The following KNDC1 variants were observed in gnomAD, a reference collection of about 807,000 sequenced individuals.
KNDC1 encodes the protein kinase non-catalytic C-lobe domain containing 1.
KNDC1 carries 106 observed loss-of-function variants against 172.8 expected under a neutral mutation model. That is an observed-to-expected ratio of 0.61 (90% CI 0.52 to 0.72). KNDC1 has a LOEUF of 0.72. Ranked by LOEUF, KNDC1 falls within the 30% of genes least tolerant of loss-of-function variation. The pLI, the probability that KNDC1 is intolerant of heterozygous loss-of-function variation, is 0.00. For missense variants in KNDC1, 2,325 were observed against 2,394.5 expected (o/e 0.97, Z 0.61); for synonymous variants, 1,083 against 1,062.2 (o/e 1.02, Z -0.38).
intron 3 of KNDC1, among the ~76,000 whole-genome samples, chr10:133,182,039 C>T (rs1554913161): frequency 6.6e-6 from 1 of 152,170 alleles, no homozygotes; most frequent in Non-Finnish European, 1.5e-5. Context: ...GTGGTTGGAG[C>T]CAGGCTCAGG....
At chr10:133,211,036 A>C (rs1845352565) in intron 21 of KNDC1, among the ~76,000 whole-genome samples, 1 of 151,988 alleles carries the variant, frequency 6.6e-6, no homozygotes, top group Admixed American at 6.6e-5. Flanking sequence ...TGAGAGCCAG[A>C]AGGTCAGCTG....
chr10:133,221,447 C>G (rs1322298088), intron 29 of KNDC1, among the ~76,000 whole-genome samples: 1 of 152,162 alleles, frequency 6.6e-6, no homozygotes, highest in Non-Finnish European at 1.5e-5. Flanking sequence ...AGGCCTGTGT[C>G]CGATGACCCT....
intron 26 of KNDC1, 36 bp downstream of exon 26, chr10:133,214,158 G>C: frequency 6.2e-7 from 1 of 1,610,208 alleles, no homozygotes; most frequent in Non-Finnish European, 8.5e-7. Flanking sequence ...AACACGGGGC[G>C]TGGGGCCCAC....
chr10:133,169,723 G>A (rs1489926717), intron 3 of KNDC1, among the ~76,000 whole-genome samples: 1 of 151,938 alleles, frequency 6.6e-6, no homozygotes, highest in Non-Finnish European at 1.5e-5. Context: ...GCTGTGGCCT[G>A]TGGCTGTGAA....
At position 133,186,145 on chromosome 10, in the gene KNDC1, C is replaced by G; in HGVS notation, c.797C>G (p.Pro266Arg). ...ASPTKALLST[P>R]VRNGESHSRE... ...CCAACCAAGGCTCTGCTGTCCACCC[C>G]GGTGAGAAATGGCGAGAGCCACAGC... Residue 266 changes from proline to arginine, a missense_variant, in exon 6 of 30, where the codon CCG becomes CGG. Physicochemically the swap from Pro to Arg is moderately radical, Grantham distance 103. Coordinates refer to ENST00000304613, the MANE Select transcript of KNDC1 (RefSeq NM_152643.8). The G allele has an allele frequency of 6.3e-7, 1 of 1,589,936 alleles. No individual in the cohort carries two copies. Among genetic ancestry groups the G allele is most frequent in the Non-Finnish European group, 8.6e-7 (1 of 1,168,554 alleles).
intron 2 of KNDC1, among the ~76,000 whole-genome samples, chr10:133,167,934 G>T (rs1388434320): frequency 6.6e-6 from 1 of 152,200 alleles, no homozygotes; most frequent in African/African-American, 2.4e-5. Flanking sequence ...GGCCCGGGAG[G>T]GTGGGACGCC....
intron 20 of KNDC1, among the ~76,000 whole-genome samples, chr10:133,208,073 C>G (rs1343341968): frequency 1.3e-5 from 2 of 152,170 alleles, no homozygotes; most frequent in African/African-American, 4.8e-5. Flanking sequence ...TTATGGGACC[C>G]TTATGACACC....
At chr10:133,168,077 C>G (rs942800540) in intron 2 of KNDC1, among the ~76,000 whole-genome samples, 177 bp from the exon 3 acceptor site, 2 of 152,226 alleles carry the variant, frequency 1.3e-5, no homozygotes, top group African/African-American at 4.8e-5. Flanking sequence ...AACCCATTTC[C>G]CATCATAACC....
At position 133,209,505 on chromosome 10, in the gene KNDC1, A is replaced by C. The variant is rs1050434485; in HGVS notation, c.3795-1106A>C. Among the ~76,000 whole-genome samples the C allele has an allele frequency of 6.9e-6, 1 of 145,238 alleles. No homozygotes were observed. The highest frequency in any genetic ancestry group is 1.5e-5 in the Non-Finnish European group (1 of 66,262). On this transcript the variant is annotated intron_variant, in intron 20 of 29. Coordinates refer to ENST00000304613, the MANE Select transcript of KNDC1 (RefSeq NM_152643.8). This position sits in a 1 kb window ranked among gnomAD's most constrained non-coding sequence, Gnocchi z 4.9. The stretch of plus-strand genomic sequence containing the variant: ...GTGTGGTGTGCGCGTCTGGTTGTGG[A>C]GTTCTGTGTGGCTTTGTGCATGTGT...
intron 20 of KNDC1, among the ~76,000 whole-genome samples, chr10:133,207,889 AC>A (rs1845247888): frequency 6.6e-6 from 1 of 152,036 alleles, no homozygotes; most frequent in Non-Finnish European, 1.5e-5. Flanking sequence ...ACAGGGCCAG[AC>A]CCCCGGCCGC....
At chr10:133,192,254 T>C (rs924993676) in intron 9 of KNDC1, among the ~76,000 whole-genome samples, 5 of 152,178 alleles carry the variant, frequency 3.3e-5, no homozygotes, top group African/African-American at 1.2e-4. Context: ...CTTCAAACTA[T>C]ACTACAAGGC....
intron 25 of KNDC1, 111 bp downstream of exon 25, chr10:133,213,838 C>A (rs180756293): frequency 1.4e-6 from 2 of 1,431,760 alleles, no homozygotes; most frequent in Admixed American, 1.7e-5. Context: ...TCTCCAGAGA[C>A]GCGAGAGAGT....
At chr10:133,213,924 G>A (rs1458490180) in intron 25 of KNDC1, 48 bp from the exon 26 acceptor site, 1 of 1,610,526 alleles carries the variant, frequency 6.2e-7, no homozygotes, top group South Asian at 1.1e-5. Flanking sequence ...GCCGGGCAGG[G>A]CCACTGCACA....
At position 133,201,763 on chromosome 10, in the gene KNDC1, C is replaced by G; in HGVS notation, c.3252C>G (p.Ala1084=). ...GVGPALSPGP[A]GFQSCSPGWC... ...GCCCAGCCTTGTCCCCCGGCCCAGC[C>G]GGATTCCAGAGCTGCAGCCCCGGCT... The change falls in exon 17 of 30, where the codon GCC becomes GCG. Residue 1084 remains alanine (A), a synonymous_variant. Coordinates refer to ENST00000304613, the MANE Select transcript of KNDC1 (RefSeq NM_152643.8). 6.4e-7 allele frequency: 1 copy of G among 1,562,318 alleles called. No individual in the cohort carries two copies. The highest frequency in any genetic ancestry group is 8.7e-7 in the Non-Finnish European group (1 of 1,155,840).
rs535921457 is a variant in KNDC1 at position 133,220,871 on chromosome 10, G to A, written c.5018+759G>A. Among the ~76,000 whole-genome samples, 23 of 152,042 alleles carry A rather than the reference G, an allele frequency of 1.5e-4. No individual in the cohort carries two copies. The South Asian group carries it at 2.3e-3, about 15-fold the overall frequency. Reference sequence around the variant, plus strand: ...CAGCAGAGGAGGGGCTCAGATGGGCGCATGCCCAGGTGGGGCACGCTCAGG... The same window carrying A: ...CAGCAGAGGAGGGGCTCAGATGGGCACATGCCCAGGTGGGGCACGCTCAGG... On this transcript the variant is annotated intron_variant, in intron 29 of 29. Coordinates refer to ENST00000304613, the MANE Select transcript of KNDC1 (RefSeq NM_152643.8).
chr10:133,224,897 T>C lies in KNDC1; in HGVS notation c.*7T>C. 1 of 1,604,804 alleles carries C rather than the reference T, an allele frequency of 6.2e-7. No individual in the cohort carries two copies. Among genetic ancestry groups the C allele is most frequent in the Non-Finnish European group, 8.5e-7 (1 of 1,172,594 alleles). On this transcript the variant is annotated 3_prime_UTR_variant, in exon 30 of 30. Transcript: ENST00000304613. This position sits in a 1 kb window ranked among gnomAD's most constrained non-coding sequence, Gnocchi z 5.4. ...GAAGGCTACATTCCAGTAGCCGAGC[T>C]CGGGCCTGGTGTGGAATTCCAGATC...
chr10:133,188,463 C>T, intron 6 of KNDC1, 76 bp from the exon 7 acceptor site: 3 of 943,592 alleles, frequency 3.2e-6, no homozygotes, highest in Non-Finnish European at 4.9e-6. Flanking sequence ...CTGGCCTGTC[C>T]CCCGGACATG....
At position 133,186,059 on chromosome 10, in the gene KNDC1, G is replaced by A. The variant is rs779601360; in HGVS notation, c.711G>A (p.Pro237=). The A allele has an allele frequency of 3.5e-5, 56 of 1,600,034 alleles. No individual in the cohort carries two copies. The highest frequency in any genetic ancestry group is 3.4e-4 in the Middle Eastern group (2 of 5,922). ...RRPPGDPSTD[P]EVLPTPEGPE... Reference sequence around the variant, plus strand: ...CGCCCGGGGACCCCAGCACTGACCCGGAGGTTCTGCCGACCCCCGAAGGCC... The same window carrying A: ...CGCCCGGGGACCCCAGCACTGACCCAGAGGTTCTGCCGACCCCCGAAGGCC... Residue 237 remains proline, a synonymous_variant, in exon 6 of 30, where the codon CCG becomes CCA. Coordinates refer to ENST00000304613, the MANE Select transcript of KNDC1 (RefSeq NM_152643.8).
At position 133,186,291 on chromosome 10, in the gene KNDC1, A is replaced by T; in HGVS notation, c.943A>T (p.Ser315Cys). The T allele has an allele frequency of 6.2e-7, 1 of 1,611,310 alleles. No individual in the cohort carries two copies. The highest frequency in any genetic ancestry group is 8.5e-7 in the Non-Finnish European group (1 of 1,179,416). ...VQTFPRLLSD[S>C]PEATLCLPLT... ...GACGTTCCCTAGGCTGCTGTCCGAC[A>T]GCCCCGAGGCCACCCTCTGCCTGCC... Residue 315 changes from serine (S) to cysteine (C), a missense_variant, in exon 6 of 30, where the codon AGC (serine) becomes TGC (cysteine). Ser to Cys is a moderately radical substitution (Grantham distance 112). Coordinates refer to ENST00000304613, the MANE Select transcript of KNDC1 (RefSeq NM_152643.8).
Sources: allele counts gnomAD v4.1 joint callset (sites outside exome capture counted in the v4.1 genomes callset), GRCh38; gene constraint gnomAD v4.1.1; non-coding constraint Gnocchi (gnomAD v3.1); transcripts MANE v1.5; gene names NCBI Gene and HGNC (gene_info 2026-07-23, HGNC 2026-07-21).